The following ARID5B variants were observed in gnomAD, a reference collection of about 807,000 sequenced individuals.
ARID5B encodes the protein AT-rich interactive domain-containing protein 5B.
A neutral mutation model predicts 97.2 loss-of-function variants in ARID5B; 13 were observed. The observed-to-expected ratio is 0.13, with a 90% CI of 0.09 to 0.21. The LOEUF is 0.21. Among genes scored for constraint, ARID5B ranks in the 10% least tolerant of loss-of-function variants. The pLI, the probability that ARID5B is intolerant of heterozygous loss-of-function variation, is 1.00. For synonymous variants in ARID5B, 556 were observed against 570.3 expected, an observed-to-expected ratio of 0.97 and a Z score of 0.36; for missense variants, 1,210 against 1,465.3, an observed-to-expected ratio of 0.83 and a Z score of 2.84.
At chr10:61,996,187 T>C (rs1047917129) in intron 3 of ARID5B, among the ~76,000 whole-genome samples, 1 of 152,130 alleles carries the variant, frequency 6.6e-6, no homozygotes, top group Non-Finnish European at 1.5e-5. Flanking sequence ...ACAGTGGAAA[T>C]TGCAGTGTTC....
rs145564601 is a variant in ARID5B, at chr10:62,092,489, C to T, written c.3026C>T (p.Ala1009Val). 1.8e-5 allele frequency: 29 copies of T among 1,614,036 alleles called. No homozygotes were observed. Among genetic ancestry groups the T allele is most frequent in the Middle Eastern group, 3.3e-4 (2 of 6,084 alleles). Residue 1009 changes from alanine to valine, a missense_variant, in exon 10 of 10, where the codon GCG becomes GTG. Around this residue, in one of 8 missense-constraint regions of ARID5B, gnomAD observed 800 missense variants for 839.1 expected, o/e 0.95. Coordinates refer to ENST00000279873, the MANE Select transcript of ARID5B (RefSeq NM_032199.3). ...ATGAGCCCGCAGAACATTGGGGCGG[C>T]GCGGCCGATCAAGCGCAGCCTGGAG... ...RKMSPQNIGA[A>V]RPIKRSLEDL...
chr10:62,036,897 G>GCTATGGA (rs1289835496), intron 4 of ARID5B, among the ~76,000 whole-genome samples: 3 of 152,200 alleles, frequency 2.0e-5, no homozygotes, highest in Non-Finnish European at 4.4e-5. Context: ...TTTTCCTAAA[G>GCTATGGA]CTATGGAATT....
chr10:62,011,868 C>T (rs531361707), intron 4 of ARID5B, among the ~76,000 whole-genome samples: 1 of 152,104 alleles, frequency 6.6e-6, no homozygotes, highest in African/African-American at 2.4e-5. Context: ...AATGCCATCC[C>T]CCAAAATGTG....
intron 8 of ARID5B, among the ~76,000 whole-genome samples, chr10:62,083,871 T>G (rs1251262117): frequency 2.6e-5 from 4 of 152,236 alleles, no homozygotes; most frequent in African/African-American, 7.2e-5. Context: ...TGTTGGGGAC[T>G]TTACAGATGA....
chr10:61,927,717 A>G (rs1195309652), intron 2 of ARID5B, among the ~76,000 whole-genome samples: 1 of 152,244 alleles, frequency 6.6e-6, no homozygotes, highest in Non-Finnish European at 1.5e-5. Flanking sequence ...CAGTTCAGGG[A>G]CCAACTTAGA....
chr10:62,053,072 G>A (rs903767858), intron 5 of ARID5B, among the ~76,000 whole-genome samples: 1 of 152,214 alleles, frequency 6.6e-6, no homozygotes, highest in Non-Finnish European at 1.5e-5. Context: ...CCACATCTGG[G>A]ATGAGGACAG....
At chr10:61,993,699 C>T (rs1163804016) in intron 3 of ARID5B, among the ~76,000 whole-genome samples, 1 of 152,002 alleles carries the variant, frequency 6.6e-6, no homozygotes, top group African/African-American at 2.4e-5. Flanking sequence ...TTCGGTGTCA[C>T]AACAGAGCAG....
At chr10:62,061,056 C>T (rs1839915286) in intron 7 of ARID5B, among the ~76,000 whole-genome samples, 1 of 152,216 alleles carries the variant, frequency 6.6e-6, no homozygotes, top group Non-Finnish European at 1.5e-5. Context: ...ATCAGCAAAA[C>T]ACCTGACCAC....
At position 61,942,252 on chromosome 10, in the gene ARID5B, T is replaced by G. The variant is rs959830624; in HGVS notation, c.502+1844T>G. On this transcript the variant is annotated intron_variant, in intron 3 of 9. Transcript: ENST00000279873. The stretch of plus-strand genomic sequence containing the variant: ...GAAATAAAAGGTTGATCCTCTTGGA[T>G]TCTAAAAAAAAAGAAGGTCCATATT... Among the ~76,000 whole-genome samples, 40 of 152,278 alleles carry G rather than the reference T, an allele frequency of 2.6e-4. 1 individual carries two copies. Among genetic ancestry groups the G allele is most frequent in the African/African-American group, 8.4e-4 (35 of 41,562 alleles).
intron 3 of ARID5B, among the ~76,000 whole-genome samples, chr10:61,973,087 C>T (rs976446699): frequency 2.6e-5 from 4 of 152,180 alleles, no homozygotes; most frequent in Admixed American, 2.6e-4. Flanking sequence ...CCTGATCATT[C>T]CCTCCTCTAC....
chr10:62,039,871 C>A (rs1189898000), intron 4 of ARID5B, among the ~76,000 whole-genome samples: 1 of 152,210 alleles, frequency 6.6e-6, no homozygotes, highest in African/African-American at 2.4e-5. Flanking sequence ...TGAGGCTATG[C>A]CCCTGCATTT....
chr10:62,028,653 G>A (rs931791876), intron 4 of ARID5B, among the ~76,000 whole-genome samples: 2 of 152,158 alleles, frequency 1.3e-5, no homozygotes, highest in African/African-American at 4.8e-5. Context: ...ATTAAATGAA[G>A]TGCTGCACAT....
intron 5 of ARID5B, among the ~76,000 whole-genome samples, chr10:62,055,745 A>G (rs1338263124): frequency 6.6e-6 from 1 of 152,232 alleles, no homozygotes; most frequent in Non-Finnish European, 1.5e-5. Flanking sequence ...TTATCTTTGC[A>G]GGACCAGTCG....
chr10:62,093,104 T>C lies in ARID5B; in HGVS notation c.*74T>C, dbSNP rs1291247448. 9 of 1,520,678 alleles carry C rather than the reference T, an allele frequency of 5.9e-6. No individual in the cohort carries two copies. The highest frequency in any genetic ancestry group is 5.5e-5 in the African/African-American group (4 of 72,218). The allele number at this position is 1,520,678 out of a possible 1,614,324, so 94.2% of individuals were successfully genotyped here. A position where few individuals can be genotyped will look rare whatever the true frequency, so the allele number is the denominator to read the frequency against. ...CTCCTTACCCAGGAGTGCTGGCTTA[T>C]AGAGTTAGAAGTCAGTATTTCTTCT... On this transcript the variant is annotated 3_prime_UTR_variant, in exon 10 of 10. Coordinates refer to ENST00000279873, the MANE Select transcript of ARID5B (RefSeq NM_032199.3).
intron 3 of ARID5B, among the ~76,000 whole-genome samples, chr10:61,958,491 G>T (rs377289663): frequency 6.6e-6 from 1 of 152,280 alleles, no homozygotes; most frequent in East Asian, 1.9e-4. Context: ...CTTCCAAAGT[G>T]CTGGGATTAG....
At chr10:62,001,804 G>C (rs1839083096) in intron 4 of ARID5B, among the ~76,000 whole-genome samples, 2 of 152,186 alleles carry the variant, frequency 1.3e-5, no homozygotes, top group Admixed American at 6.5e-5. Flanking sequence ...CATTCTGTAA[G>C]AGGGCAACAC....
intron 3 of ARID5B, among the ~76,000 whole-genome samples, chr10:61,977,918 A>T (rs1310872496): frequency 2.0e-5 from 3 of 152,066 alleles, no homozygotes; most frequent in African/African-American, 7.2e-5. Context: ...GGTGTTTTAG[A>T]CATGAAGTCC....
At chr10:61,998,146 G>A (rs1839026967) in intron 3 of ARID5B, among the ~76,000 whole-genome samples, 14 of 152,208 alleles carry the variant, frequency 9.2e-5, no homozygotes, top group Admixed American at 9.2e-4. Flanking sequence ...CCGCCAGCCT[G>A]AGGAACTAAG....
intron 2 of ARID5B, among the ~76,000 whole-genome samples, chr10:61,922,807 C>CT (rs1844041133): frequency 6.6e-6 from 1 of 152,182 alleles, no homozygotes; most frequent in African/African-American, 2.4e-5. Context: ...AGCAGCTGGT[C>CT]TGCCATCTTT....
Sources: allele counts gnomAD v4.1 joint callset (sites outside exome capture counted in the v4.1 genomes callset), GRCh38; gene constraint gnomAD v4.1.1; regional missense constraint gnomAD v4.1.1; transcripts MANE v1.5; gene names NCBI Gene and HGNC (gene_info 2026-07-23, HGNC 2026-07-21).